SLC12A6: variants seen among roughly 807,000 people sequenced by gnomAD.
SLC12A6 encodes solute carrier family 12 member 6.
In SLC12A6, 66 loss-of-function variants were observed where a neutral mutation model predicts 135.3. The observed-to-expected ratio is 0.49, with a 90% CI of 0.40 to 0.60. SLC12A6 has a LOEUF of 0.60. SLC12A6 is among the 20% of genes least tolerant of loss of function. The pLI, the probability that SLC12A6 is intolerant of heterozygous loss-of-function variation, is 0.00. For missense variants in SLC12A6, 1,058 were observed against 1,452.3 expected, an observed-to-expected ratio of 0.73 and a Z score of 4.41; for synonymous variants, 513 against 508.8, an observed-to-expected ratio of 1.01 and a Z score of -0.11.
At chr15:34,317,653 A>C (rs1489802670) in intron 2 of SLC12A6, among the ~76,000 whole-genome samples, 1 of 152,188 alleles carries the variant, frequency 6.6e-6, no homozygotes, top group Non-Finnish European at 1.5e-5. Context: ...CAGTAAGCCG[A>C]GATCACCCCA....
chr15:34,327,777 G>A (rs1595581225), intron 2 of SLC12A6, among the ~76,000 whole-genome samples: 1 of 152,212 alleles, frequency 6.6e-6, no homozygotes, highest in African/African-American at 2.4e-5. Context: ...GTGTACATAA[G>A]AGTTTTTAAC....
Position 34,236,069 on chromosome 15 carries a change from C to G in SLC12A6, c.3173G>C (p.Arg1058Pro). The G allele has an allele frequency of 6.2e-7, 1 of 1,613,966 alleles. No individual in the cohort carries two copies. The highest frequency in any genetic ancestry group is 8.5e-7 in the Non-Finnish European group (1 of 1,179,882). Reference sequence around the variant, plus strand: ...TTCCATTGACTTCGCTTTTTGTCCCCGGGATGCCATGTACTTGTCTTTTGT... The same window carrying G: ...TTCCATTGACTTCGCTTTTTGTCCCGGGGATGCCATGTACTTGTCTTTTGT... ...TWTKDKYMASRGQKAKSMEGF... is the reference protein window; with the variant it reads ...TWTKDKYMASPGQKAKSMEGF... The change falls in exon 24 of 26, where the codon CGG (arginine) becomes CCG (proline). Residue 1058 changes from arginine to proline, a missense_variant. Around this residue, in one of 6 missense-constraint regions of SLC12A6, gnomAD observed 245 missense variants for 440.8 expected, o/e 0.56. Coordinates refer to ENST00000354181, the MANE Select transcript of SLC12A6 (RefSeq NM_001365088.1).
At chr15:34,299,225 G>A (rs1408573446) in intron 2 of SLC12A6, among the ~76,000 whole-genome samples, 1 of 152,186 alleles carries the variant, frequency 6.6e-6, no homozygotes, top group Non-Finnish European at 1.5e-5. Flanking sequence ...TAAATAGATT[G>A]TGGTTTACTT....
intron 7 of SLC12A6, 81 bp downstream of exon 7, chr15:34,256,148 A>T: frequency 1.1e-6 from 1 of 876,744 alleles, no homozygotes; most frequent in Non-Finnish European, 2.0e-6. Context: ...TCTATTCTTC[A>T]GAAGTTTGCA....
At chr15:34,261,527 G>T (rs1241715792) in intron 3 of SLC12A6, among the ~76,000 whole-genome samples, 1 of 152,014 alleles carries the variant, frequency 6.6e-6, no homozygotes, top group Non-Finnish European at 1.5e-5. Context: ...CAAACTCCTG[G>T]CCTCAAGTTA....
In SLC12A6 at chr15:34,233,740, G is replaced by C; in HGVS notation, c.*141C>G. The stretch of plus-strand genomic sequence containing the variant: ...GAGCTCTTTTACACAGGTACTTGAG[G>C]CTCAGCTCATCAAGAGTTCAGTATG... On this transcript the variant is annotated 3_prime_UTR_variant, in exon 26 of 26. Transcript: ENST00000354181. 1 of 698,900 alleles carries C rather than the reference G, an allele frequency of 1.4e-6. No homozygotes were observed. The highest frequency in any genetic ancestry group is 2.7e-5 in the East Asian group (1 of 36,588). The allele number at this position is 698,900 out of a possible 1,614,324, so 43.3% of individuals were successfully genotyped here.
intron 21 of SLC12A6, 91 bp from the exon 22 acceptor site, chr15:34,237,641 C>A (rs1173911536): frequency 2.8e-6 from 3 of 1,065,750 alleles, no homozygotes; most frequent in South Asian, 2.5e-5. Context: ...TCTAGAAGAA[C>A]CTTGCTATAT....
chr15:34,233,739 G>A lies in SLC12A6; in HGVS notation c.*142C>T. 1.0e-5 allele frequency: 7 copies of A among 698,466 alleles called. No homozygotes were observed. The highest frequency in any genetic ancestry group is 1.6e-5 in the Non-Finnish European group (6 of 374,470). The allele number at this position is 698,466 out of a possible 1,614,324, so 43.3% of individuals were successfully genotyped here. The stretch of plus-strand genomic sequence containing the variant: ...GGAGCTCTTTTACACAGGTACTTGA[G>A]GCTCAGCTCATCAAGAGTTCAGTAT... On this transcript the variant is annotated 3_prime_UTR_variant, in exon 26 of 26. Transcript: ENST00000354181.
At position 34,239,273 on chromosome 15, in the gene SLC12A6, T is replaced by TA. The variant is rs147093137; in HGVS notation, c.2437-114dup. On this transcript the variant is annotated intron_variant, in intron 19 of 25. Transcript: ENST00000354181. The stretch of plus-strand genomic sequence containing the variant: ...TTTTTCCAAAGTCTTCATAATACTA[T>TA]ATCATCTACAGAAAAGTCCAAAAAG... 143,131 of 812,208 alleles carry TA rather than the reference T, an allele frequency of 0.18. 13,261 individuals are homozygous for TA. The highest frequency in any genetic ancestry group is 0.25 in the Middle Eastern group (743 of 2,938). The allele number at this position is 812,208 out of a possible 1,614,324, so 50.3% of individuals were successfully genotyped here. A position where few individuals can be genotyped will look rare whatever the true frequency, so the allele number is the denominator to read the frequency against.
chr15:34,305,443 A>T (rs1487585004), intron 2 of SLC12A6, among the ~76,000 whole-genome samples: 4 of 137,148 alleles, frequency 2.9e-5, no homozygotes, highest in Non-Finnish European at 6.3e-5. Context: ...ATTTTACTTG[A>T]TCTTCCAGGT....
intron 23 of SLC12A6, 55 bp downstream of exon 23, chr15:34,236,653 C>G: frequency 1.9e-6 from 2 of 1,077,282 alleles, no homozygotes; most frequent in East Asian, 4.7e-5. Context: ...AGTATCATCC[C>G]TTTCAGTGAC....
intron 22 of SLC12A6, chr15:34,237,102 T>A (rs886732362): frequency 6.3e-6 from 3 of 475,042 alleles, no homozygotes; most frequent in Middle Eastern, 5.9e-4. Context: ...AGGTTTTTTT[T>A]AAAAGCCATG....
chr15:34,327,700 AAATAG>A (rs1185362749), intron 2 of SLC12A6, among the ~76,000 whole-genome samples: 12 of 152,338 alleles, frequency 7.9e-5, no homozygotes, highest in Admixed American at 7.2e-4. Context: ...AATGCTCTCA[AAATAG>A]AATAAAAGTA....
intron 2 of SLC12A6, among the ~76,000 whole-genome samples, chr15:34,327,869 T>C (rs1023234001): frequency 1.3e-5 from 2 of 152,190 alleles, no homozygotes; most frequent in Non-Finnish European, 2.9e-5. Flanking sequence ...AATGTAGACC[T>C]GTCTGGTAAA....
At chr15:34,240,570 G>T in intron 19 of SLC12A6, 91 bp downstream of exon 19, 1 of 1,134,080 alleles carries the variant, frequency 8.8e-7, no homozygotes, top group Non-Finnish European at 1.3e-6. Flanking sequence ...GATCACTCAG[G>T]AACAAGATTC....
At chr15:34,235,384 T>TGG (rs1891183762) in intron 24 of SLC12A6, 70 bp from the exon 25 acceptor site, 2 of 1,304,104 alleles carry the variant, frequency 1.5e-6, no homozygotes, top group African/African-American at 2.9e-5. Flanking sequence ...GTTAAAAACT[T>TGG]GAGATCCTGA....
intron 15 of SLC12A6, 47 bp downstream of exon 15, chr15:34,245,238 A>G (rs201836797): frequency 4.0e-6 from 4 of 1,009,300 alleles, no homozygotes; most frequent in Non-Finnish European, 6.4e-6. Flanking sequence ...AACATGCATT[A>G]TTTATCATTT....
chr15:34,252,874 T>A (rs923905373), intron 9 of SLC12A6, among the ~76,000 whole-genome samples: 1 of 152,192 alleles, frequency 6.6e-6, no homozygotes, highest in Non-Finnish European at 1.5e-5. Context: ...AAGCCTAACA[T>A]TCATAACAAA....
intron 2 of SLC12A6, among the ~76,000 whole-genome samples, chr15:34,319,686 C>G (rs1299404349): frequency 6.6e-6 from 1 of 151,794 alleles, no homozygotes; most frequent in African/African-American, 2.4e-5. Context: ...GTAGTCCCAG[C>G]TGCTCAGGAA....
Sources: allele counts gnomAD v4.1 joint callset (sites outside exome capture counted in the v4.1 genomes callset), GRCh38; gene constraint gnomAD v4.1.1; regional missense constraint gnomAD v4.1.1; transcripts MANE v1.5; gene names NCBI Gene and HGNC (gene_info 2026-07-23, HGNC 2026-07-21).